Variants in SEMA3C observed in about 807,000 individuals in gnomAD.
SEMA3C encodes the protein semaphorin 3C, also known as semaphorin-3C.
SEMA3C carries 47 observed loss-of-function variants against 89.4 expected under a neutral mutation model. The observed-to-expected ratio is 0.53, with a 90% CI of 0.42 to 0.67. SEMA3C has a LOEUF of 0.67. Among genes scored for constraint, SEMA3C ranks in the 30% least tolerant of loss-of-function variants. The pLI is 0.00. For synonymous variants in SEMA3C, 310 were observed against 320.2 expected (o/e 0.97, Z 0.34); for missense variants, 839 against 929.1 (o/e 0.90, Z 1.26).
At chr7:80,863,367 G>T (rs1790820410) in intron 2 of SEMA3C, among the ~76,000 whole-genome samples, 3 of 151,480 alleles carry the variant, frequency 2.0e-5, no homozygotes. Flanking sequence ...GTAGATGTTG[G>T]TGTGGATGTG....
chr7:80,810,114 G>A (rs866230666), intron 6 of SEMA3C, among the ~76,000 whole-genome samples: 9 of 152,010 alleles, frequency 5.9e-5, no homozygotes, highest in Non-Finnish European at 1.2e-4. Context: ...AAAAAAATAC[G>A]TGGGCGAGGT....
intron 4 of SEMA3C, among the ~76,000 whole-genome samples, chr7:80,827,035 C>A (rs1023693469): frequency 6.6e-6 from 1 of 152,070 alleles, no homozygotes; most frequent in Admixed American, 6.6e-5. Flanking sequence ...TAACCACTAC[C>A]CTTTTGCCAA....
At position 80,902,914 on chromosome 7, in the gene SEMA3C, A is replaced by AC. The variant is rs575057837; in HGVS notation, c.103+13764dup. On this transcript the variant is annotated intron_variant, in intron 2 of 17. Transcript: ENST00000265361. ...CAGGATTATAGTACAAAGGGCAGAG[A>AC]CCTAAGCCAAGATTATGTGCTAAGA... is the stretch of plus-strand genomic sequence containing the variant. Among the ~76,000 whole-genome samples, 35 of 152,300 alleles carry AC rather than the reference A, an allele frequency of 2.3e-4. 1 individual carries two copies. In the South Asian group the frequency reaches 7.0e-3, roughly 31 times the overall value.
At chr7:80,903,222 G>C (rs1791926182) in intron 2 of SEMA3C, among the ~76,000 whole-genome samples, 1 of 152,086 alleles carries the variant, frequency 6.6e-6, no homozygotes, top group Non-Finnish European at 1.5e-5. Context: ...TACACACCTA[G>C]GCTATATGCT....
At chr7:80,900,994 A>G (rs542995672) in intron 2 of SEMA3C, among the ~76,000 whole-genome samples, 1 of 152,342 alleles carries the variant, frequency 6.6e-6, no homozygotes, top group South Asian at 2.1e-4. Context: ...ATATTGTGCC[A>G]TAACACCTCA....
chr7:80,853,776 T>C (rs570865383), intron 2 of SEMA3C, among the ~76,000 whole-genome samples: 2 of 152,238 alleles, frequency 1.3e-5, no homozygotes, highest in African/African-American at 2.4e-5. Context: ...AAGAGACTAA[T>C]TGGACTGTCT....
Position 80,765,150 on chromosome 7 carries a change from C to CA in SEMA3C, c.1443+4dup. On this transcript the variant is annotated splice_donor_region_variant and intron_variant, in intron 13 of 17. Transcript: ENST00000265361. ...TTCTGAGATTAATAGAAGAGATGTT[C>CA]AAACCTTAAAGACTTCCAGCTCCTC... is the stretch of plus-strand genomic sequence containing the variant. 6.2e-7 allele frequency: 1 copy of CA among 1,606,968 alleles called. No homozygotes were observed. Among genetic ancestry groups the CA allele is most frequent in the South Asian group, 1.1e-5 (1 of 90,400 alleles).
chr7:80,783,419 T>C (rs906501071), intron 12 of SEMA3C, among the ~76,000 whole-genome samples: 1 of 152,198 alleles, frequency 6.6e-6, no homozygotes, highest in Non-Finnish European at 1.5e-5. Context: ...GTAGAATCTA[T>C]GGTAAACTCT....
At chr7:80,920,036 A>G (rs1792379184), upstream of SEMA3C, among the ~76,000 whole-genome samples, 1 of 152,114 alleles carries the variant, frequency 6.6e-6, no homozygotes, top group Non-Finnish European at 1.5e-5. Flanking sequence ...ATACTCCCAA[A>G]CATAATTACA....
At chr7:80,885,893 A>G (rs936018347) in intron 2 of SEMA3C, among the ~76,000 whole-genome samples, 1 of 152,170 alleles carries the variant, frequency 6.6e-6, no homozygotes, top group Non-Finnish European at 1.5e-5. Flanking sequence ...GCAGTCCTTT[A>G]ATCTAACTGT....
In SEMA3C at chr7:80,871,493, G is replaced by A. The variant is rs575147852; in HGVS notation, c.104-42748C>T. Among the ~76,000 whole-genome samples the A allele has an allele frequency of 1.7e-3, 263 of 152,226 alleles. 9 individuals are homozygous for A. The highest frequency in any genetic ancestry group is 0.017 in the Admixed American group (262 of 15,302). ...ATTTGCTTATTCTAAAATGTATACT[G>A]AGTACCTACTGTGCTTCAGACACTG... On this transcript the variant is annotated intron_variant, in intron 2 of 17. Transcript: ENST00000265361.
At chr7:80,754,014 T>C (rs1424927388) in intron 15 of SEMA3C, among the ~76,000 whole-genome samples, 1 of 152,202 alleles carries the variant, frequency 6.6e-6, no homozygotes, top group African/African-American at 2.4e-5. Flanking sequence ...CTCGGCTCGC[T>C]GCAATCTCCG....
At chr7:80,753,025 T>TG (rs1438911100) in intron 15 of SEMA3C, among the ~76,000 whole-genome samples, 1 of 152,150 alleles carries the variant, frequency 6.6e-6, no homozygotes, top group Non-Finnish European at 1.5e-5. Flanking sequence ...TCATTGATAG[T>TG]GAAAAAAAGC....
chr7:80,821,579 C>T (rs1433940106), intron 4 of SEMA3C, among the ~76,000 whole-genome samples: 3 of 152,148 alleles, frequency 2.0e-5, no homozygotes, highest in African/African-American at 7.2e-5. Context: ...GCCACCACGC[C>T]CGGCTAATTT....
chr7:80,889,276 G>C (rs1214440725), intron 2 of SEMA3C, among the ~76,000 whole-genome samples: 2 of 152,188 alleles, frequency 1.3e-5, no homozygotes, highest in African/African-American at 4.8e-5. Flanking sequence ...TATAATAAAT[G>C]TAAAGATTGT....
chr7:80,786,572 C>T (rs976436417), intron 12 of SEMA3C, among the ~76,000 whole-genome samples: 1 of 152,202 alleles, frequency 6.6e-6, no homozygotes, highest in Admixed American at 6.5e-5. Context: ...TTTTCTAACA[C>T]AAACTCTAAG....
chr7:80,789,285 A>G (rs751559739), intron 12 of SEMA3C, 21 bp downstream of exon 12: 3 of 1,594,466 alleles, frequency 1.9e-6, no homozygotes, highest in Non-Finnish European at 2.6e-6. Context: ...ATTAAAGCAT[A>G]TCTTGGGCTC....
chr7:80,749,465 T>C (rs1787876477), intron 16 of SEMA3C, among the ~76,000 whole-genome samples: 1 of 152,140 alleles, frequency 6.6e-6, no homozygotes, highest in South Asian at 2.1e-4. Context: ...CTAAAGTCCA[T>C]ACTCAATGTT....
intron 2 of SEMA3C, among the ~76,000 whole-genome samples, chr7:80,867,515 T>C (rs1319842006): frequency 6.6e-6 from 1 of 152,160 alleles, no homozygotes; most frequent in Admixed American, 6.5e-5. Context: ...CTCTGTCCTC[T>C]TTTTTCTTCA....
Sources: allele counts gnomAD v4.1 joint callset (sites outside exome capture counted in the v4.1 genomes callset), GRCh38; gene constraint gnomAD v4.1.1; transcripts MANE v1.5; gene names NCBI Gene and HGNC (gene_info 2026-07-23, HGNC 2026-07-21).